RFLNA: variants seen among roughly 807,000 people sequenced by gnomAD.
RFLNA encodes refilin A.
In RFLNA, 5 loss-of-function variants were observed where a neutral mutation model predicts 7.8. The ratio of observed to expected loss-of-function variants is 0.64; its 90% CI spans 0.34 to 1.35. The LOEUF is 1.35. Among genes scored for constraint, RFLNA ranks in the 40% most tolerant of loss-of-function variants. RFLNA has a pLI of 0.04. For missense variants in RFLNA, 278 were observed against 305.5 expected (o/e 0.91, Z 0.67); for synonymous variants, 141 against 131.3 (o/e 1.07, Z -0.50).
upstream of RFLNA, among the ~76,000 whole-genome samples, chr12:124,292,758 C>T (rs74780544): frequency 6.7e-3 from 1,013 of 152,226 alleles, 8 homozygotes; most frequent in Non-Finnish European, 0.01. Context: ...TCTTGATAAG[C>T]GGGCTTCTAG....
chr12:124,300,544 T>A (rs112415402), intron 1 of RFLNA, among the ~76,000 whole-genome samples: 4,159 of 151,454 alleles, frequency 0.027, 75 homozygotes, highest in African/African-American at 0.049. Context: ...GCTAGGGAGG[T>A]AGTGCTGGGG....
chr12:124,308,731 G>T (rs2034181644), intron 1 of RFLNA, among the ~76,000 whole-genome samples: 1 of 152,250 alleles, frequency 6.6e-6, no homozygotes, highest in African/African-American at 2.4e-5. Context: ...AGCCTGAGTG[G>T]CTCTGGGAGG....
Position 124,311,890 on chromosome 12 carries a change from A to G in RFLNA, c.280A>G (p.Ser94Gly), listed in dbSNP as rs374117703. 6.9e-6 allele frequency: 11 copies of G among 1,594,162 alleles called. No individual in the cohort carries two copies. Among genetic ancestry groups the G allele is most frequent in the Non-Finnish European group, 9.4e-6 (11 of 1,170,798 alleles). ...PRMLPVFFGESIKVNPEPTHE... is the reference protein window; with the variant it reads ...PRMLPVFFGEGIKVNPEPTHE... ...GATGCTGCCAGTGTTCTTTGGGGAG[A>G]GCATCAAGGTGAACCCGGAACCCAC... Residue 94 changes from serine to glycine, a missense_variant, in exon 2 of 3, where the codon AGC (serine) becomes GGC (glycine). Transcript: ENST00000546355.
chr12:124,298,805 G>T (rs1210226601), intron 1 of RFLNA, among the ~76,000 whole-genome samples: 6 of 152,230 alleles, frequency 3.9e-5, no homozygotes, highest in Admixed American at 3.3e-4. Flanking sequence ...CACACTCAGG[G>T]TACGAACTTT....
At position 124,311,850 on chromosome 12, in the gene RFLNA, G is replaced by A. The variant is rs112604005; in HGVS notation, c.240G>A (p.Ser80=). ...CCCAACTCCCAAATCCCCCGGCGTC[G>A]GAGATGAGGCCCCGGATGCTGCCAG... ...PPSQLPNPPA[S]EMRPRMLPVF... Residue 80 remains serine, a synonymous_variant, in exon 2 of 3, where the codon TCG becomes TCA. Transcript: ENST00000546355. 4,165 of 1,599,586 alleles carry A rather than the reference G, an allele frequency of 2.6e-3. 74 individuals carry two copies. In the African/African-American group the frequency reaches 0.047, roughly 18 times the overall value.
At chr12:124,297,319 T>C (rs1593026061) in intron 1 of RFLNA, among the ~76,000 whole-genome samples, 1 of 152,272 alleles carries the variant, frequency 6.6e-6, no homozygotes, top group East Asian at 1.9e-4. Flanking sequence ...TCCTGCTCAC[T>C]AGATGCCAGG....
chr12:124,311,759 G>C, intron 1 of RFLNA, 59 bp from the exon 2 acceptor site: 1 of 1,427,660 alleles, frequency 7.0e-7, no homozygotes, highest in Non-Finnish European at 9.3e-7. Flanking sequence ...GCCCAGCAGG[G>C]AGCTGAGGCC....
chr12:124,307,165 G>A (rs1049632811), intron 1 of RFLNA, among the ~76,000 whole-genome samples: 5 of 152,224 alleles, frequency 3.3e-5, no homozygotes, highest in African/African-American at 4.8e-5. Context: ...GGAGAGGGCC[G>A]CAAACCTAGA....
rs1244906686 is a variant in RFLNA, at chr12:124,289,411, G to A, written c.-37+41G>A. ...CCACTGTGGAGTGGGAACGGGAGGG[G>A]CTGCGGGAAAGCCAAGCCAGGACGC... On this transcript the variant is annotated intron_variant, in intron 1 of 2. Transcript: ENST00000324038. The surrounding 1 kb of genome is among the most constrained non-coding windows in gnomAD (Gnocchi z 5.0). 1 of 152,228 alleles carries A rather than the reference G, an allele frequency of 6.6e-6. No individual in the cohort carries two copies. The highest frequency in any genetic ancestry group is 6.5e-5 in the Admixed American group (1 of 15,278). 9.4% of individuals were successfully genotyped at this position (152,228 alleles called of 1,614,324 possible).
At chr12:124,302,435 T>G (rs565989909) in intron 1 of RFLNA, among the ~76,000 whole-genome samples, 7 of 152,266 alleles carry the variant, frequency 4.6e-5, no homozygotes, top group African/African-American at 1.7e-4. Context: ...GCTCTCCATA[T>G]GGCCTGACCC....
intron 1 of RFLNA, among the ~76,000 whole-genome samples, chr12:124,303,754 C>A (rs543622530): frequency 6.6e-6 from 1 of 152,146 alleles, no homozygotes; most frequent in African/African-American, 2.4e-5. Context: ...GATGAGCAAA[C>A]CGAGGGCAGA....
upstream of RFLNA, among the ~76,000 whole-genome samples, chr12:124,291,409 C>G (rs2033823227): frequency 6.6e-6 from 1 of 152,072 alleles, no homozygotes; most frequent in Admixed American, 6.5e-5. Context: ...TGTGCACCAC[C>G]ACACCTGGCT....
At chr12:124,302,963 T>G (rs1292300982) in intron 1 of RFLNA, among the ~76,000 whole-genome samples, 1 of 152,064 alleles carries the variant, frequency 6.6e-6, no homozygotes, top group East Asian at 1.9e-4. Context: ...TATCCTGCTG[T>G]CTCCAGGAGC....
At chr12:124,303,732 C>G (rs2034088616) in intron 1 of RFLNA, among the ~76,000 whole-genome samples, 1 of 152,236 alleles carries the variant, frequency 6.6e-6, no homozygotes, top group Non-Finnish European at 1.5e-5. Context: ...GATGGCACAG[C>G]CTCGTTTCAC....
intron 1 of RFLNA, among the ~76,000 whole-genome samples, chr12:124,307,583 C>T (rs2135687653): frequency 6.6e-6 from 1 of 152,326 alleles, no homozygotes; most frequent in Non-Finnish European, 1.5e-5. Flanking sequence ...CACAAGATTT[C>T]CCATCCCGAG....
At chr12:124,311,173 C>T (rs902537933) in intron 1 of RFLNA, among the ~76,000 whole-genome samples, 6 of 152,222 alleles carry the variant, frequency 3.9e-5, no homozygotes, top group East Asian at 3.8e-4. Flanking sequence ...GTGGGTTACA[C>T]GCCCATGTCC....
Position 124,314,843 on chromosome 12 carries a change from A to C in RFLNA, c.*318A>C, listed in dbSNP as rs2135697703. The C allele has an allele frequency of 1.9e-6, 1 of 518,258 alleles. No individual in the cohort carries two copies. The allele number at this position is 518,258 out of a possible 1,614,324, so 32.1% of individuals were successfully genotyped here. A position where few individuals can be genotyped will look rare whatever the true frequency, so the allele number is the denominator to read the frequency against. Reference sequence around the variant, plus strand: ...TCAGGGGAAAAGAATGGGTCCATGGAGTGCCCTTGAAGCAGAGAACAGCCC... The same window carrying C: ...TCAGGGGAAAAGAATGGGTCCATGGCGTGCCCTTGAAGCAGAGAACAGCCC... On this transcript the variant is annotated 3_prime_UTR_variant, in exon 3 of 3. Transcript: ENST00000546355.
intron 1 of RFLNA, among the ~76,000 whole-genome samples, chr12:124,301,321 A>G (rs2034033900): frequency 6.6e-6 from 1 of 152,218 alleles, no homozygotes; most frequent in South Asian, 2.1e-4. Flanking sequence ...AAACTCAGCT[A>G]TATCTGCAGC....
chr12:124,315,170 G>A lies in RFLNA; in HGVS notation c.*645G>A, dbSNP rs1170656083. On this transcript the variant is annotated 3_prime_UTR_variant, in exon 3 of 3. Transcript: ENST00000546355. ...CTGGAGGTGGTGATACTGGGGGCGGGGAAGGCCTAGAAATACTTTGAGCCA... is the reference window on the plus strand; with the variant it reads ...CTGGAGGTGGTGATACTGGGGGCGGAGAAGGCCTAGAAATACTTTGAGCCA... The A allele has an allele frequency of 5.8e-6, 1 of 171,514 alleles. No individual in the cohort carries two copies. Among genetic ancestry groups the A allele is most frequent in the Non-Finnish European group, 1.3e-5 (1 of 79,316 alleles). The allele number at this position is 171,514 out of a possible 1,614,324, so 10.6% of individuals were successfully genotyped here.
Sources: allele counts gnomAD v4.1 joint callset (sites outside exome capture counted in the v4.1 genomes callset), GRCh38; gene constraint gnomAD v4.1.1; non-coding constraint Gnocchi (gnomAD v3.1); transcripts MANE v1.5; gene names NCBI Gene and HGNC (gene_info 2026-07-23, HGNC 2026-07-21).